The following SHISAL1 variants were observed in gnomAD, a reference collection of about 807,000 sequenced individuals.
SHISAL1 encodes protein shisa-like-1.
Under a neutral mutation model 22.6 loss-of-function variants are expected in SHISAL1, and 9 were observed. That is an observed-to-expected ratio of 0.40 (90% confidence interval 0.24 to 0.70). SHISAL1 has a LOEUF of 0.70. Among genes scored for constraint, SHISAL1 ranks in the 30% least tolerant of loss-of-function variants. SHISAL1 has a pLI of 0.39. For synonymous variants in SHISAL1, 119 were observed against 115.4 expected (o/e 1.03, Z -0.20); for missense variants, 246 against 270.6 (o/e 0.91, Z 0.64).
At chr22:44,272,289 A>T (rs2055211032) in intron 4 of SHISAL1, among the ~76,000 whole-genome samples, 2 of 152,224 alleles carry the variant, frequency 1.3e-5, no homozygotes, top group South Asian at 4.1e-4. Context: ...AATGACTTCC[A>T]AAAACCTTCC....
At chr22:44,319,173 G>A in the SHISAL1 span, among the ~76,000 whole-genome samples, 3 of 152,240 alleles carry the variant, frequency 2.0e-5, no homozygotes, top group Non-Finnish European at 4.4e-5. Context: ...AGGAGGAAAA[G>A]GCCATTCCTT....
At chr22:44,305,022 C>T (rs2055460309) in intron 1 of SHISAL1, among the ~76,000 whole-genome samples, 1 of 152,122 alleles carries the variant, frequency 6.6e-6, no homozygotes, top group African/African-American at 2.4e-5. Flanking sequence ...TGTTGCGGGG[C>T]TGATGTTCAC....
chr22:44,282,780 A>G (rs979889965), intron 4 of SHISAL1, among the ~76,000 whole-genome samples: 1 of 152,212 alleles, frequency 6.6e-6, no homozygotes, highest in Admixed American at 6.5e-5. Context: ...TGAGTGTTCA[A>G]GAACCTCCCT....
At chr22:44,313,676 C>T (rs1024105436), upstream of SHISAL1, among the ~76,000 whole-genome samples, 1 of 151,996 alleles carries the variant, frequency 6.6e-6, no homozygotes. Flanking sequence ...GTGCCAGGCA[C>T]CCCCCCAGCC....
At chr22:44,301,489 T>A (rs557330373) in intron 1 of SHISAL1, among the ~76,000 whole-genome samples, 6 of 152,336 alleles carry the variant, frequency 3.9e-5, no homozygotes, top group South Asian at 2.1e-4. Flanking sequence ...AGCCCCTGTG[T>A]TCTACTCAGG....
rs563283936 is a variant in SHISAL1 at position 44,246,297 on chromosome 22, C to T, written c.*3388G>A. 3 of 152,356 alleles carry T rather than the reference C, an allele frequency of 2.0e-5. No homozygotes were observed. The highest frequency in any genetic ancestry group is 2.1e-4 in the South Asian group (1 of 4,828). The allele number at this position is 152,356 out of a possible 1,614,324, so 9.4% of individuals were successfully genotyped here. On this transcript the variant is annotated 3_prime_UTR_variant, in exon 5 of 5. Transcript: ENST00000381176. ...CCCAGTGGGAAACAGTCCTTACAAA[C>T]GCGGTAGTTCTGCAAACAGCCTCGA...
chr22:44,312,173 A>T (rs749576249), intron 1 of SHISAL1, among the ~76,000 whole-genome samples: 39 of 152,318 alleles, frequency 2.6e-4, no homozygotes, highest in Middle Eastern at 3.4e-3. Context: ...TTGAAGGCGT[A>T]TTCGGAGGGG....
At chr22:44,324,912 C>G in the SHISAL1 span, among the ~76,000 whole-genome samples, 1 of 152,208 alleles carries the variant, frequency 6.6e-6, no homozygotes, top group South Asian at 2.1e-4. Flanking sequence ...ACACTCCAGC[C>G]CAGCGCCCAG....
the SHISAL1 span, among the ~76,000 whole-genome samples, chr22:44,319,133 A>G: frequency 3.9e-5 from 6 of 152,268 alleles, no homozygotes; most frequent in South Asian, 2.1e-4. Context: ...GTGGAACTGT[A>G]TAAGCCCTGG....
At chr22:44,317,842 T>G (rs2055567762), upstream of SHISAL1, among the ~76,000 whole-genome samples, 1 of 152,226 alleles carries the variant, frequency 6.6e-6, no homozygotes, top group African/African-American at 2.4e-5. Flanking sequence ...CTTCTCTGCT[T>G]AGTCGTCCCC....
chr22:44,245,935 T>C lies in SHISAL1; in HGVS notation c.*3750A>G, dbSNP rs1451642358. ...TGCCTACTTGCTGCTTTCTAGAGCA[T>C]TGGAGACAGCAAGAGGGACCAGATC... On this transcript the variant is annotated 3_prime_UTR_variant, in exon 5 of 5. Coordinates refer to ENST00000381176, the MANE Select transcript of SHISAL1 (RefSeq NM_001099294.2). The C allele has an allele frequency of 1.3e-5, 2 of 152,252 alleles. No individual in the cohort carries two copies. The highest frequency in any genetic ancestry group is 1.9e-4 in the East Asian group (1 of 5,196). The allele number at this position is 152,252 out of a possible 1,614,324, so 9.4% of individuals were successfully genotyped here. A position where few individuals can be genotyped will look rare whatever the true frequency, so the allele number is the denominator to read the frequency against.
chr22:44,287,364 C>T (rs919149184), intron 3 of SHISAL1, among the ~76,000 whole-genome samples: 6 of 152,222 alleles, frequency 3.9e-5, no homozygotes, highest in Non-Finnish European at 8.8e-5. Context: ...CCTAGAATGC[C>T]TTCCCTCCTC....
At chr22:44,326,900 A>G in the SHISAL1 span, among the ~76,000 whole-genome samples, 1 of 152,032 alleles carries the variant, frequency 6.6e-6, no homozygotes, top group Non-Finnish European at 1.5e-5. Flanking sequence ...AAATTTCATC[A>G]TCTAGGAAAT....
At chr22:44,323,381 C>G in the SHISAL1 span, among the ~76,000 whole-genome samples, 163 of 146,970 alleles carry the variant, frequency 1.1e-3, 1 homozygote, top group East Asian at 1.9e-3. Flanking sequence ...ATCCATCCAT[C>G]CATCCATCCA....
At chr22:44,257,797 C>T (rs2055094714) in intron 4 of SHISAL1, among the ~76,000 whole-genome samples, 1 of 152,204 alleles carries the variant, frequency 6.6e-6, no homozygotes, top group South Asian at 2.1e-4. Flanking sequence ...TCTTCAGGGG[C>T]AACCCATCAC....
chr22:44,269,194 C>T (rs2055187315), intron 4 of SHISAL1, among the ~76,000 whole-genome samples: 1 of 151,348 alleles, frequency 6.6e-6, no homozygotes, highest in Non-Finnish European at 1.5e-5. Context: ...ATATGCCATA[C>T]AGACCCTCAC....
At position 44,310,283 on chromosome 22, in the gene SHISAL1, A is replaced by G. The variant is rs901452092; in HGVS notation, c.-33+2468T>C. 2.0e-5 allele frequency among the ~76,000 whole-genome samples: 3 copies of G among 152,238 alleles called. No individual in the cohort carries two copies. Among genetic ancestry groups the G allele is most frequent in the South Asian group, 2.1e-4 (1 of 4,836 alleles). ...AAACATGTGTTAATTGGTTGAATGA[A>G]CATAAGCAATGATCATCTCCATTGC... On this transcript the variant is annotated intron_variant, in intron 1 of 4. Transcript: ENST00000381176. The surrounding 1 kb of genome is among the most constrained non-coding windows in gnomAD (Gnocchi z 4.0).
chr22:44,298,786 CGGCGAGG>C, intron 2 of SHISAL1, among the ~76,000 whole-genome samples: 1 of 152,236 alleles, frequency 6.6e-6, no homozygotes, highest in South Asian at 2.1e-4. Flanking sequence ...AGGGCAGGCC[CGGCGAGG>C]TTGGGGGATG....
upstream of SHISAL1, among the ~76,000 whole-genome samples, chr22:44,315,284 C>A (rs890052914): frequency 9.2e-5 from 14 of 152,082 alleles, no homozygotes. Context: ...GATTACAGTA[C>A]CCCCCAGCCC....
Sources: allele counts gnomAD v4.1 joint callset (sites outside exome capture counted in the v4.1 genomes callset), GRCh38; gene constraint gnomAD v4.1.1; non-coding constraint Gnocchi (gnomAD v3.1); transcripts MANE v1.5; gene names NCBI Gene and HGNC (gene_info 2026-07-23, HGNC 2026-07-21).